The following NIPBL variants were observed in gnomAD, a reference collection of about 807,000 sequenced individuals.
The protein encoded by NIPBL is nipped-B-like protein.
Under a neutral mutation model 321.8 loss-of-function variants are expected in NIPBL, and 19 were observed. That is an observed-to-expected ratio of 0.06 (90% CI 0.04 to 0.09). NIPBL has a LOEUF of 0.09. NIPBL is among the 10% of genes least tolerant of loss of function. The pLI is 1.00. For missense variants in NIPBL, 2,210 were observed against 3,327.0 expected (o/e 0.66, Z 8.26); for synonymous variants, 1,106 against 1,114.1 (o/e 0.99, Z 0.14).
At chr5:37,048,991 A>T in intron 39 of NIPBL, 120 bp from the exon 40 acceptor site, 1 of 989,232 alleles carries the variant, frequency 1.0e-6, no homozygotes, top group Non-Finnish European at 1.6e-6. Flanking sequence ...ATTAAGAACC[A>T]TTGAGCCAGA....
At chr5:36,912,020 AT>A (rs1470513431) in intron 1 of NIPBL, among the ~76,000 whole-genome samples, 5 of 152,212 alleles carry the variant, frequency 3.3e-5, no homozygotes, top group Admixed American at 3.3e-4. Context: ...TTTTAAATAA[AT>A]TAGTGTGATA....
intron 1 of NIPBL, among the ~76,000 whole-genome samples, chr5:36,934,821 G>C (rs1245713280): frequency 6.6e-6 from 1 of 151,666 alleles, no homozygotes; most frequent in Non-Finnish European, 1.5e-5. Flanking sequence ...AGTAGCTAGA[G>C]TTAAGAAATT....
intron 8 of NIPBL, among the ~76,000 whole-genome samples, 195 bp from the exon 9 acceptor site, chr5:36,975,577 TTAAC>T (rs1196293314): frequency 6.6e-6 from 1 of 152,168 alleles, no homozygotes; most frequent in Non-Finnish European, 1.5e-5. Flanking sequence ...AGATTTTAGA[TTAAC>T]TACTAGCAAG....
intron 1 of NIPBL, among the ~76,000 whole-genome samples, chr5:36,879,019 G>A (rs1745311629): frequency 6.6e-6 from 1 of 152,084 alleles, no homozygotes; most frequent in South Asian, 2.1e-4. Flanking sequence ...GAATGCAGAC[G>A]GGAGGAATAC....
At chr5:36,954,699 T>G (rs1334532234) in intron 2 of NIPBL, among the ~76,000 whole-genome samples, 1 of 152,190 alleles carries the variant, frequency 6.6e-6, no homozygotes, top group African/African-American at 2.4e-5. Flanking sequence ...TTTCTGTGTT[T>G]TTATTAATGA....
chr5:36,906,550 T>C (rs1055210019), intron 1 of NIPBL, among the ~76,000 whole-genome samples: 1 of 152,186 alleles, frequency 6.6e-6, no homozygotes, highest in Non-Finnish European at 1.5e-5. Flanking sequence ...AGGACAGATT[T>C]TGTTTTACTT....
rs1379402966 is a variant in NIPBL at position 37,006,400 on chromosome 5, T to C, written c.3899T>C (p.Ile1300Thr). ...EEEERLWRDL[I>T]MERVTKSADA... The stretch of plus-strand genomic sequence containing the variant: ...GAAGAAAGGTTATGGAGAGACCTTA[T>C]TATGGAGAGAGTTACAAAATCAGCG... Residue 1300 changes from isoleucine to threonine, a missense_variant, in exon 17 of 47, where the codon ATT (isoleucine) becomes ACT (threonine). Physicochemically the swap from Ile to Thr is moderately conservative, Grantham distance 89 (BLOSUM62 -1). Coordinates refer to ENST00000282516, the MANE Select transcript of NIPBL (RefSeq NM_133433.4). 3 of 1,611,172 alleles carry C rather than the reference T, an allele frequency of 1.9e-6. No individual in the cohort carries two copies. The highest frequency in any genetic ancestry group is 2.5e-6 in the Non-Finnish European group (3 of 1,177,614).
intron 14 of NIPBL, 76 bp from the exon 15 acceptor site, chr5:37,002,586 A>T: frequency 9.9e-7 from 1 of 1,006,012 alleles, no homozygotes; most frequent in East Asian, 2.5e-5. Context: ...AAATTTTATT[A>T]GAAAGTTAAG....
rs1259661787 is a variant in NIPBL, at chr5:36,996,300, A to G, written c.3304+496A>G. 6.6e-6 allele frequency among the ~76,000 whole-genome samples: 1 copy of G among 152,172 alleles called. No individual in the cohort carries two copies. The highest frequency in any genetic ancestry group is 1.5e-5 in the Non-Finnish European group (1 of 68,020). On this transcript the variant is annotated intron_variant, in intron 11 of 46. Coordinates refer to ENST00000282516, the MANE Select transcript of NIPBL (RefSeq NM_133433.4). This position sits in a 1 kb window ranked among gnomAD's most constrained non-coding sequence, Gnocchi z 5.0. ...ACTGGAAGAGGTGACACTTGAGTTGAGTCTTGAAGGACACGTAGGAGATAG... is the reference window on the plus strand; with the variant it reads ...ACTGGAAGAGGTGACACTTGAGTTGGGTCTTGAAGGACACGTAGGAGATAG...
Position 36,985,227 on chromosome 5 carries a change from C to A in NIPBL, c.2047C>A (p.Pro683Thr). Residue 683 changes from proline (P) to threonine (T), a missense_variant, in exon 10 of 47, where the codon CCA becomes ACA. Physicochemically the swap from Pro to Thr is conservative, Grantham distance 38. Around this residue, in one of 14 missense-constraint regions of NIPBL, gnomAD observed 588 missense variants for 564.1 expected, o/e 1.04. Transcript: ENST00000282516. Reference protein sequence around the residue: ...QNENRLSDTKPNDNKQNNGRS... With the variant: ...QNENRLSDTKTNDNKQNNGRS... ...TGAAAATAGACTGTCTGACACAAAACCAAATGACAACAAACAAAATAATGG... is the reference window on the plus strand; with the variant it reads ...TGAAAATAGACTGTCTGACACAAAAACAAATGACAACAAACAAAATAATGG... 1 of 1,613,660 alleles carries A rather than the reference C, an allele frequency of 6.2e-7. No homozygotes were observed. The highest frequency in any genetic ancestry group is 1.3e-5 in the African/African-American group (1 of 74,962).
chr5:36,910,818 G>A (rs778879434), intron 1 of NIPBL, among the ~76,000 whole-genome samples: 1 of 152,090 alleles, frequency 6.6e-6, no homozygotes, highest in African/African-American at 2.4e-5. Context: ...CTTCTAGAAG[G>A]GAGAGTGTTA....
At chr5:36,901,571 A>G (rs1376720808) in intron 1 of NIPBL, among the ~76,000 whole-genome samples, 1 of 128,906 alleles carries the variant, frequency 7.8e-6, no homozygotes, top group African/African-American at 3.1e-5. Flanking sequence ...GTGCAATGGC[A>G]CGATCTTGGC....
intron 2 of NIPBL, 37 bp from the exon 3 acceptor site, chr5:36,955,435 C>T: frequency 1.3e-6 from 2 of 1,554,240 alleles, no homozygotes; most frequent in Non-Finnish European, 1.8e-6. Context: ...CTTCTATAGT[C>T]ACTCAATTTC....
intron 10 of NIPBL, among the ~76,000 whole-genome samples, chr5:36,990,235 C>G (rs1745340676): frequency 6.6e-6 from 1 of 152,166 alleles, no homozygotes; most frequent in Non-Finnish European, 1.5e-5. Context: ...GATTGCAGGC[C>G]TTACTAGCGA....
chr5:36,987,876 C>T (rs756336774), intron 10 of NIPBL, among the ~76,000 whole-genome samples: 19 of 152,122 alleles, frequency 1.2e-4, no homozygotes, highest in Non-Finnish European at 2.5e-4. Flanking sequence ...TGGGGGTTAA[C>T]ACCACAATTG....
chr5:36,916,759 T>C (rs531751524), intron 1 of NIPBL, among the ~76,000 whole-genome samples: 1 of 152,276 alleles, frequency 6.6e-6, no homozygotes, highest in African/African-American at 2.4e-5. Flanking sequence ...TGTTTGGTTT[T>C]TTGTCGTTGC....
At chr5:36,965,994 C>T (rs1742161098) in intron 6 of NIPBL, among the ~76,000 whole-genome samples, 1 of 152,006 alleles carries the variant, frequency 6.6e-6, no homozygotes, top group Non-Finnish European at 1.5e-5. Context: ...TGAACCCCTT[C>T]ACCAACAGGT....
At chr5:37,000,593 T>C in intron 12 of NIPBL, 23 bp downstream of exon 12, 1 of 1,609,572 alleles carries the variant, frequency 6.2e-7, no homozygotes, top group Non-Finnish European at 8.5e-7. Flanking sequence ...TGTCAACGGA[T>C]TTCTTACATA....
chr5:36,997,251 G>A (rs1186171123), intron 11 of NIPBL, among the ~76,000 whole-genome samples: 3 of 152,044 alleles, frequency 2.0e-5, no homozygotes, highest in Admixed American at 2.0e-4. Flanking sequence ...TAGAACAGCC[G>A]AGAAGGAGGA....
Sources: gnomAD v4.1 joint callset for allele counts (sites outside exome capture counted in the v4.1 genomes callset) on GRCh38, gnomAD v4.1.1 for gene constraint, gnomAD v4.1.1 regional missense constraint, Gnocchi (gnomAD v3.1) non-coding constraint, MANE v1.5 for transcripts, NCBI Gene and HGNC (gene_info 2026-07-23, HGNC 2026-07-21) for gene names.